LOXL2: variants seen among roughly 807,000 people sequenced by gnomAD.
The protein encoded by LOXL2 is lysyl oxidase homolog 2.
LOXL2 carries 70 observed loss-of-function variants against 93.0 expected under a neutral mutation model. The ratio of observed to expected loss-of-function variants is 0.75; its 90% CI spans 0.62 to 0.92. The LOEUF is 0.92. LOXL2 is among the 40% of genes least tolerant of loss of function. The probability of loss-of-function intolerance (pLI) is 0.00; values close to 1 mark genes in which losing one functional copy is unlikely to be tolerated. For missense variants in LOXL2, 973 were observed against 1,054.9 expected (o/e 0.92, Z 1.08); for synonymous variants, 438 against 413.2 (o/e 1.06, Z -0.73).
rs1007539554 is a variant in LOXL2 at position 23,341,169 on chromosome 8, C to T, written c.566G>A (p.Arg189Gln). The change falls in exon 4 of 14, where the codon CGA becomes CAA. Residue 189 changes from arginine (R) to glutamine (Q), a missense_variant. By Grantham distance (43) the Arg-to-Gln change is conservative (BLOSUM62 1). Coordinates refer to ENST00000389131, the MANE Select transcript of LOXL2 (RefSeq NM_002318.3). ...LNIQVEDIRI[R>Q]AILSTYRKRT... Reference sequence around the variant, plus strand: ...CTTGCGGTAGGTTGAGAGGATGGCTCGAATCCGAATGTCCTCCACCTGGAT... The same window carrying T: ...CTTGCGGTAGGTTGAGAGGATGGCTTGAATCCGAATGTCCTCCACCTGGAT... The T allele has an allele frequency of 5.6e-6, 9 of 1,613,330 alleles. No homozygotes were observed. Among genetic ancestry groups the T allele is most frequent in the Middle Eastern group, 1.8e-4 (1 of 5,600 alleles).
At chr8:23,384,125 T>C (rs1322581960) in intron 1 of LOXL2, among the ~76,000 whole-genome samples, 1 of 152,144 alleles carries the variant, frequency 6.6e-6, no homozygotes. Context: ...AGTAGGCAAA[T>C]GTCGAGGTAA....
At chr8:23,367,399 G>T (rs1804420972) in intron 2 of LOXL2, among the ~76,000 whole-genome samples, 3 of 152,138 alleles carry the variant, frequency 2.0e-5, no homozygotes. Context: ...AACCTCACAA[G>T]GGAGGAAAGA....
At chr8:23,384,413 G>T (rs1375662289) in intron 1 of LOXL2, among the ~76,000 whole-genome samples, 1 of 152,196 alleles carries the variant, frequency 6.6e-6, no homozygotes, top group Non-Finnish European at 1.5e-5. Flanking sequence ...ACACAGAGGG[G>T]AGAACAGGCT....
chr8:23,325,473 G>T (rs1803563839), intron 6 of LOXL2, among the ~76,000 whole-genome samples: 1 of 152,154 alleles, frequency 6.6e-6, no homozygotes, highest in Non-Finnish European at 1.5e-5. Flanking sequence ...AAAAAATTTT[G>T]TAGAGAGGGG....
chr8:23,368,691 A>G (rs1804452052), intron 1 of LOXL2, among the ~76,000 whole-genome samples: 1 of 152,142 alleles, frequency 6.6e-6, no homozygotes, highest in Non-Finnish European at 1.5e-5. Flanking sequence ...ACTTAATTTA[A>G]GGAGAGTTTT....
At chr8:23,396,451 CCAG>C (rs919188356) in intron 1 of LOXL2, among the ~76,000 whole-genome samples, 4 of 152,108 alleles carry the variant, frequency 2.6e-5, no homozygotes, top group African/African-American at 9.7e-5. Flanking sequence ...GACTTGTGCT[CCAG>C]CAGAAGCTGC....
intron 10 of LOXL2, among the ~76,000 whole-genome samples, chr8:23,303,629 C>T (rs965912568): frequency 6.6e-6 from 1 of 152,178 alleles, no homozygotes; most frequent in African/African-American, 2.4e-5. Flanking sequence ...GTCCTCTCCT[C>T]TGCTGAATGG....
chr8:23,320,806 C>T (rs1393956529), intron 7 of LOXL2, among the ~76,000 whole-genome samples: 2 of 152,020 alleles, frequency 1.3e-5, no homozygotes, highest in East Asian at 1.9e-4. Context: ...CCCCGCTACT[C>T]GGGAGGTGGG....
In LOXL2 at chr8:23,352,939, C is replaced by T. The variant is rs781189544; in HGVS notation, c.531+7151G>A. ...CAGCCTGGGGATTTTCCAATCAGTT[C>T]CGGCAATGGAATTGCTTTTTGCAAA... On this transcript the variant is annotated intron_variant, in intron 3 of 13. Transcript: ENST00000389131. 2.0e-3 allele frequency among the ~76,000 whole-genome samples: 291 copies of T among 148,908 alleles called. 1 individual carries two copies. The highest frequency in any genetic ancestry group is 3.7e-3 in the Admixed American group (54 of 14,778).
chr8:23,393,672 A>T (rs373847059), intron 1 of LOXL2, among the ~76,000 whole-genome samples: 2 of 152,264 alleles, frequency 1.3e-5, no homozygotes, highest in African/African-American at 4.8e-5. Context: ...CACAAGAAAC[A>T]AAAGGAAAAT....
At chr8:23,318,057 C>T (rs7829632) in intron 8 of LOXL2, among the ~76,000 whole-genome samples, 84,138 of 151,668 alleles carry the variant, frequency 0.55, 25,672 homozygotes, top group Non-Finnish European at 0.69. Context: ...ATTCTAGATG[C>T]TTACGTGAGG....
At chr8:23,394,059 C>A (rs1335280573) in intron 1 of LOXL2, among the ~76,000 whole-genome samples, 1 of 152,092 alleles carries the variant, frequency 6.6e-6, no homozygotes, top group Non-Finnish European at 1.5e-5. Flanking sequence ...GTCTAGAATT[C>A]AGAATATGTA....
Position 23,383,646 on chromosome 8 carries a change from G to GTTT in LOXL2, c.-83-15215_-83-15213dup, listed in dbSNP as rs1204879895. On this transcript the variant is annotated intron_variant, in intron 1 of 13. Transcript: ENST00000389131. The stretch of plus-strand genomic sequence containing the variant: ...GTTATTTCTAAGAGGGCACTTTTAC[G>GTTT]TTTTTTTTTTGTTTTTTTTTTTTTT... Among the ~76,000 whole-genome samples, 54 of 117,632 alleles carry GTTT rather than the reference G, an allele frequency of 4.6e-4. 2 individuals are homozygous for GTTT. The highest frequency in any genetic ancestry group is 1.4e-3 in the African/African-American group (39 of 28,672). 77.2% of individuals were successfully genotyped at this position (117,632 alleles called of 152,430 possible). A position where few individuals can be genotyped will look rare whatever the true frequency, so the allele number is the denominator to read the frequency against.
At chr8:23,371,334 T>G (rs1020110933) in intron 1 of LOXL2, among the ~76,000 whole-genome samples, 4 of 152,008 alleles carry the variant, frequency 2.6e-5, no homozygotes, top group Admixed American at 2.6e-4. Context: ...CAGATGTCAG[T>G]AAGGAGGCGT....
intron 13 of LOXL2, 22 bp from the exon 14 acceptor site, chr8:23,298,144 G>T: frequency 6.3e-7 from 1 of 1,595,886 alleles, no homozygotes; most frequent in Non-Finnish European, 8.6e-7. Context: ...GAATCGGGTA[G>T]AGAGAGTGGA....
At chr8:23,316,671 C>T in intron 9 of LOXL2, 1 of 421,356 alleles carries the variant, frequency 2.4e-6, no homozygotes, top group Non-Finnish European at 4.2e-6. Flanking sequence ...GTCATGTAGT[C>T]TGCCCTGGGT....
intron 9 of LOXL2, 75 bp downstream of exon 9, chr8:23,316,874 A>G (rs1335394827): frequency 7.3e-7 from 1 of 1,368,108 alleles, no homozygotes; most frequent in African/African-American, 1.5e-5. Flanking sequence ...AAGGCTTCAG[A>G]GTCTCTTGAG....
chr8:23,355,853 C>T (rs1400496896), intron 3 of LOXL2, among the ~76,000 whole-genome samples: 1 of 151,810 alleles, frequency 6.6e-6, no homozygotes, highest in African/African-American at 2.4e-5. Flanking sequence ...AAGCAATCTG[C>T]CCACCTCTGC....
chr8:23,297,823 CG>C lies in LOXL2; in HGVS notation c.*219del, dbSNP rs764971527. The C allele has an allele frequency of 6.8e-5, 36 of 529,700 alleles. No homozygotes were observed. In the Admixed American group the frequency reaches 8.5e-4, roughly 13 times the overall value. 32.8% of individuals were successfully genotyped at this position (529,700 alleles called of 1,614,324 possible). A position where few individuals can be genotyped will look rare whatever the true frequency, so the allele number is the denominator to read the frequency against. On this transcript the variant is annotated 3_prime_UTR_variant, in exon 14 of 14. Coordinates refer to ENST00000389131, the MANE Select transcript of LOXL2 (RefSeq NM_002318.3). ...CAGCTCTGTGGACAAACCCCACCCC[CG>C]CAAGGCCTTCTCAGGCCCCAAGGGT...
Sources: allele counts gnomAD v4.1 joint callset (sites outside exome capture counted in the v4.1 genomes callset), GRCh38; gene constraint gnomAD v4.1.1; transcripts MANE v1.5; gene names NCBI Gene and HGNC (gene_info 2026-07-23, HGNC 2026-07-21).